Variants in PDZRN4 observed in about 807,000 individuals in gnomAD.
PDZRN4 encodes the protein PDZ domain-containing RING finger protein 4.
In PDZRN4, 70 loss-of-function variants were observed where a neutral mutation model predicts 99.0. The observed-to-expected ratio is 0.71, with a 90% confidence interval of 0.58 to 0.86. The LOEUF is 0.86. Ranked by LOEUF, PDZRN4 falls within the 40% of genes least tolerant of loss-of-function variation. The pLI, the probability that PDZRN4 is intolerant of heterozygous loss-of-function variation, is 0.00. For synonymous variants in PDZRN4, 551 were observed against 501.6 expected (o/e 1.10, Z -1.32); for missense variants, 1,474 against 1,331.2 (o/e 1.11, Z -1.67).
At chr12:41,226,941 A>G (rs1950999006) in intron 3 of PDZRN4, among the ~76,000 whole-genome samples, 1 of 152,124 alleles carries the variant, frequency 6.6e-6, no homozygotes, top group Admixed American at 6.6e-5. Flanking sequence ...TGCTGTTTTT[A>G]TGATCTAATA....
intron 3 of PDZRN4, among the ~76,000 whole-genome samples, chr12:41,340,845 G>A (rs977541723): frequency 2.0e-5 from 3 of 151,716 alleles, no homozygotes; most frequent in Admixed American, 6.6e-5. Flanking sequence ...AATTGAAGAC[G>A]GGGAAGCACT....
rs1405554 is a variant in PDZRN4, at chr12:41,360,335, T to G, written c.844-146121T>G. Among the ~76,000 whole-genome samples, 526 of 152,168 alleles carry G rather than the reference T, an allele frequency of 3.5e-3. 3 individuals carry two copies. Among genetic ancestry groups the G allele is most frequent in the African/African-American group, 0.012 (493 of 41,560 alleles). On this transcript the variant is annotated intron_variant, in intron 3 of 9. Coordinates refer to ENST00000402685, the MANE Select transcript of PDZRN4 (RefSeq NM_001164595.2). The stretch of plus-strand genomic sequence containing the variant: ...GAACATCCATAACCAATAAAATTAT[T>G]ATAATGGTGCTGGAAATTCAAATAT...
rs561007956 is a variant in PDZRN4 at position 41,290,831 on chromosome 12, G to A, written c.843+96643G>A. Among the ~76,000 whole-genome samples the A allele has an allele frequency of 4.6e-5, 7 of 152,040 alleles. No individual in the cohort carries two copies. The South Asian group carries it at 1.5e-3, about 32-fold the overall frequency. On this transcript the variant is annotated intron_variant, in intron 3 of 9. Transcript: ENST00000402685. ...GGGTCTGCCATGAATACCCCCTTTA[G>A]AAGTTTCAAATTTTTCATATTCATT...
chr12:41,232,269 G>T (rs1401297856), intron 3 of PDZRN4, among the ~76,000 whole-genome samples: 3 of 151,962 alleles, frequency 2.0e-5, no homozygotes, highest in Non-Finnish European at 2.9e-5. Flanking sequence ...GCAGGTGTAA[G>T]GTGATGCTCA....
At chr12:41,356,167 G>T (rs2121049207) in intron 3 of PDZRN4, among the ~76,000 whole-genome samples, 1 of 152,018 alleles carries the variant, frequency 6.6e-6, no homozygotes, top group South Asian at 2.1e-4. Context: ...TTTCAATTTA[G>T]AAACTAAGAA....
At chr12:41,225,048 A>G (rs910991862) in intron 3 of PDZRN4, among the ~76,000 whole-genome samples, 4 of 152,220 alleles carry the variant, frequency 2.6e-5, no homozygotes, top group Admixed American at 2.6e-4. Flanking sequence ...TCAAATGATC[A>G]TTATAACTAT....
chr12:41,325,422 G>A (rs1951703034), intron 3 of PDZRN4, among the ~76,000 whole-genome samples: 1 of 152,072 alleles, frequency 6.6e-6, no homozygotes, highest in African/African-American at 2.4e-5. Flanking sequence ...CTCTTTAACT[G>A]GATTATCAGA....
At chr12:41,282,309 C>A (rs1175756366) in intron 3 of PDZRN4, among the ~76,000 whole-genome samples, 2 of 152,120 alleles carry the variant, frequency 1.3e-5, no homozygotes, top group Non-Finnish European at 2.9e-5. Flanking sequence ...ATCAATGCAA[C>A]AAGAAGAGCT....
chr12:41,212,813 T>G (rs978239941), intron 3 of PDZRN4, among the ~76,000 whole-genome samples: 2 of 152,008 alleles, frequency 1.3e-5, no homozygotes, highest in African/African-American at 4.8e-5. Flanking sequence ...ACTAGAAACA[T>G]GACTAAGTGT....
At chr12:41,459,804 G>C (rs1592068228) in intron 3 of PDZRN4, 2 of 428,042 alleles carry the variant, frequency 4.7e-6, no homozygotes, top group East Asian at 2.2e-4. Context: ...GATTTTTGAA[G>C]ACAGCATAGC....
At chr12:41,556,688 G>A (rs1429183784) in intron 7 of PDZRN4, among the ~76,000 whole-genome samples, 1 of 152,208 alleles carries the variant, frequency 6.6e-6, no homozygotes, top group Admixed American at 6.5e-5. Context: ...TGGAAACATA[G>A]AGACTGATTA....
chr12:41,551,397 A>T lies in PDZRN4; in HGVS notation c.1204-1259A>T, dbSNP rs779155704. ...CCTAATACAAATTGTAGGGAACACAAACATTTAGACCTTAGCACTCTATTC... is the reference window on the plus strand; with the variant it reads ...CCTAATACAAATTGTAGGGAACACATACATTTAGACCTTAGCACTCTATTC... On this transcript the variant is annotated intron_variant, in intron 5 of 9. Transcript: ENST00000402685. Among the ~76,000 whole-genome samples the T allele has an allele frequency of 9.7e-4, 148 of 152,078 alleles. 1 individual carries two copies. Among genetic ancestry groups the T allele is most frequent in the Non-Finnish European group, 5.9e-4 (40 of 68,004 alleles).
At chr12:41,563,312 G>A (rs547091511) in intron 7 of PDZRN4, among the ~76,000 whole-genome samples, 2 of 152,210 alleles carry the variant, frequency 1.3e-5, no homozygotes, top group Admixed American at 1.3e-4. Context: ...GGCGCAGGTT[G>A]GACATTTATG....
intron 3 of PDZRN4, among the ~76,000 whole-genome samples, chr12:41,242,947 G>T (rs1240669964): frequency 1.3e-5 from 2 of 152,118 alleles, no homozygotes; most frequent in Non-Finnish European, 2.9e-5. Flanking sequence ...TAAACTTCTG[G>T]CTCCTCTTTT....
chr12:41,477,682 A>G (rs957673858), intron 3 of PDZRN4, among the ~76,000 whole-genome samples: 4 of 152,236 alleles, frequency 2.6e-5, no homozygotes, highest in Admixed American at 6.5e-5. Flanking sequence ...ATGATGTACA[A>G]TATGAATATA....
intron 5 of PDZRN4, among the ~76,000 whole-genome samples, chr12:41,522,699 A>G (rs994959306): frequency 2.0e-5 from 3 of 152,106 alleles, no homozygotes; most frequent in African/African-American, 7.2e-5. Context: ...CTTTAGGGTC[A>G]TTTCCTGTCA....
chr12:41,545,939 C>G (rs1174303653), intron 5 of PDZRN4, among the ~76,000 whole-genome samples: 2 of 151,716 alleles, frequency 1.3e-5, no homozygotes, highest in African/African-American at 4.8e-5. Context: ...CATAATAATC[C>G]ACTAGGATCC....
intron 9 of PDZRN4, among the ~76,000 whole-genome samples, chr12:41,570,687 T>C (rs1469844836): frequency 6.6e-6 from 1 of 152,144 alleles, no homozygotes; most frequent in Non-Finnish European, 1.5e-5. Context: ...ATGCCCAGTA[T>C]CAATAACATT....
chr12:41,451,069 A>G (rs1197387717), intron 3 of PDZRN4, among the ~76,000 whole-genome samples: 3 of 152,024 alleles, frequency 2.0e-5, no homozygotes, highest in African/African-American at 7.2e-5. Flanking sequence ...AGACTGTTAT[A>G]GTCTAACTTT....
Sources: gnomAD v4.1 joint callset for allele counts (sites outside exome capture counted in the v4.1 genomes callset) on GRCh38, gnomAD v4.1.1 for gene constraint, MANE v1.5 for transcripts, NCBI Gene and HGNC (gene_info 2026-07-23, HGNC 2026-07-21) for gene names.